DPP10: variants seen among roughly 807,000 people sequenced by gnomAD.
DPP10 encodes the protein dipeptidyl peptidase like 10, also known as inactive dipeptidyl peptidase 10.
In DPP10, 33 loss-of-function variants were observed where a neutral mutation model predicts 120.9. That is an observed-to-expected ratio of 0.27 (90% CI 0.21 to 0.37). The LOEUF (loss-of-function observed/expected upper bound fraction) is 0.37, where lower values mean the gene tolerates loss of function less well. Among genes scored for constraint, DPP10 ranks in the 10% least tolerant of loss-of-function variants. The probability of loss-of-function intolerance (pLI) is 1.00; values close to 1 mark genes in which losing one functional copy is unlikely to be tolerated. For missense variants in DPP10, 816 were observed against 942.8 expected (o/e 0.87, Z 1.76); for synonymous variants, 337 against 326.1 (o/e 1.03, Z -0.36).
intron 1 of DPP10, among the ~76,000 whole-genome samples, chr2:115,252,519 TTTG>T (rs2058799390): frequency 6.6e-6 from 1 of 152,184 alleles, no homozygotes; most frequent in South Asian, 2.1e-4. Context: ...CCTCATTATG[TTTG>T]TTAACTCTAT....
At chr2:115,691,884 T>C (rs990994546) in intron 7 of DPP10, among the ~76,000 whole-genome samples, 19 of 152,296 alleles carry the variant, frequency 1.2e-4, no homozygotes, top group African/African-American at 4.3e-4. Context: ...CTTTATCATT[T>C]TGGTGACTCT....
At chr2:115,805,591 T>C (rs1341663958) in intron 19 of DPP10, among the ~76,000 whole-genome samples, 1 of 151,396 alleles carries the variant, frequency 6.6e-6, no homozygotes, top group African/African-American at 2.4e-5. Flanking sequence ...TTTTTTTTTT[T>C]GAGACGCAGT....
intron 1 of DPP10, among the ~76,000 whole-genome samples, chr2:115,296,008 T>A (rs1401520061): frequency 6.6e-6 from 1 of 152,124 alleles, no homozygotes; most frequent in Non-Finnish European, 1.5e-5. Context: ...TCAAATGTGT[T>A]TGTTTCTATT....
chr2:115,729,777 T>C (rs956004555), intron 8 of DPP10, among the ~76,000 whole-genome samples: 4 of 151,702 alleles, frequency 2.6e-5, no homozygotes, highest in Non-Finnish European at 5.9e-5. Flanking sequence ...TCCTTACCTC[T>C]TAAAACAAGG....
intron 1 of DPP10, among the ~76,000 whole-genome samples, chr2:115,282,364 A>C (rs1431786444): frequency 6.6e-6 from 1 of 152,110 alleles, no homozygotes; most frequent in Non-Finnish European, 1.5e-5. Flanking sequence ...ACATACAATA[A>C]AATTCACCAA....
At chr2:115,335,462 A>C (rs747349530) in intron 2 of DPP10, among the ~76,000 whole-genome samples, 1 of 152,046 alleles carries the variant, frequency 6.6e-6, no homozygotes, top group Admixed American at 6.6e-5. Flanking sequence ...CCTGATCTCA[A>C]ATGACATAAA....
chr2:115,340,252 AATC>A (rs1295009958), intron 2 of DPP10, among the ~76,000 whole-genome samples: 1 of 152,170 alleles, frequency 6.6e-6, no homozygotes, highest in African/African-American at 2.4e-5. Flanking sequence ...GATATGGTGT[AATC>A]ATTAATCTTA....
intron 5 of DPP10, chr2:115,579,539 G>A (rs1363163991): frequency 2.0e-5 from 3 of 152,248 alleles, no homozygotes; most frequent in Middle Eastern, 6.8e-3. Context: ...TGCTCAAACT[G>A]CTTCTGAGTA....
intron 1 of DPP10, among the ~76,000 whole-genome samples, chr2:114,986,940 T>G (rs994330071): frequency 6.6e-6 from 1 of 151,708 alleles, no homozygotes; most frequent in Non-Finnish European, 1.5e-5. Flanking sequence ...ACTGGCTAAT[T>G]TTTTTTTATT....
intron 10 of DPP10, among the ~76,000 whole-genome samples, chr2:115,751,452 A>G (rs971273137): frequency 1.6e-4 from 24 of 152,270 alleles, no homozygotes; most frequent in African/African-American, 5.5e-4. Flanking sequence ...TACTTCGGGC[A>G]CTTTATGTTT....
intron 5 of DPP10, among the ~76,000 whole-genome samples, chr2:115,686,740 C>G (rs952439932): frequency 3.6e-4 from 54 of 151,926 alleles, no homozygotes; most frequent in African/African-American, 1.3e-3. Context: ...ATAAGCTGAT[C>G]AAGTTTTGAT....
chr2:115,134,727 GCATTTGTAGAAAAAAAAATGA>G (rs1480820378), intron 1 of DPP10, among the ~76,000 whole-genome samples: 1 of 151,992 alleles, frequency 6.6e-6, no homozygotes, highest in Non-Finnish European at 1.5e-5. Flanking sequence ...AGGGGTAAGT[GCATTTGTAGAAAAAAAAATGA>G]CTGGAAGGAA....
At chr2:115,507,762 A>C (rs1051104485) in intron 4 of DPP10, among the ~76,000 whole-genome samples, 2 of 152,248 alleles carry the variant, frequency 1.3e-5, no homozygotes, top group Admixed American at 6.5e-5. Flanking sequence ...TTAAAAGTAC[A>C]CTCTGTCAAT....
intron 4 of DPP10, among the ~76,000 whole-genome samples, chr2:115,516,573 TG>T (rs774977164): frequency 1.8e-4 from 9 of 49,850 alleles, no homozygotes; most frequent in South Asian, 1.1e-3. Context: ...TGTTATTCTT[TG>T]TTTTTTTTTT....
intron 1 of DPP10, among the ~76,000 whole-genome samples, chr2:114,721,642 G>A (rs1701712480): frequency 6.6e-6 from 1 of 152,144 alleles, no homozygotes; most frequent in African/African-American, 2.4e-5. Context: ...GCCCAAAAGT[G>A]CCTGCTGATA....
intron 19 of DPP10, among the ~76,000 whole-genome samples, chr2:115,794,322 G>A (rs1684308651): frequency 6.6e-6 from 1 of 152,164 alleles, no homozygotes; most frequent in Non-Finnish European, 1.5e-5. Context: ...CACCTGAGTG[G>A]CTGAAAGAAA....
chr2:115,487,169 A>G (rs1296234281), intron 3 of DPP10, among the ~76,000 whole-genome samples: 4 of 149,136 alleles, frequency 2.7e-5, no homozygotes, highest in African/African-American at 5.0e-5. Context: ...TCCAACTTAC[A>G]AGGGATGTGA....
rs372542624 is a variant in DPP10 at position 115,081,778 on chromosome 2, A to C, written c.61-227461A>C. 3.3e-5 allele frequency among the ~76,000 whole-genome samples: 5 copies of C among 152,352 alleles called. No individual in the cohort carries two copies. In the East Asian group the frequency reaches 7.7e-4, roughly 24 times the overall value. On this transcript the variant is annotated intron_variant, in intron 1 of 25. Coordinates refer to ENST00000410059, the MANE Select transcript of DPP10 (RefSeq NM_020868.6). Reference sequence around the variant, plus strand: ...CTGCATCAAGTTCAAGACGTGGTACAGAAAATACATGACTAATTCTACCGA... The same window carrying C: ...CTGCATCAAGTTCAAGACGTGGTACCGAAAATACATGACTAATTCTACCGA...
intron 19 of DPP10, among the ~76,000 whole-genome samples, chr2:115,809,657 C>G (rs1200105332): frequency 2.0e-5 from 3 of 152,040 alleles, no homozygotes; most frequent in African/African-American, 7.3e-5. Context: ...ACTGAGCGAA[C>G]CTGTTGTAGG....
Sources: allele counts gnomAD v4.1 joint callset (sites outside exome capture counted in the v4.1 genomes callset), GRCh38; gene constraint gnomAD v4.1.1; transcripts MANE v1.5; gene names NCBI Gene and HGNC (gene_info 2026-07-23, HGNC 2026-07-21).